Variants in TCF7L2 observed in about 807,000 individuals in gnomAD.
TCF7L2 encodes the protein transcription factor 7 like 2.
Under a neutral mutation model 77.9 loss-of-function variants are expected in TCF7L2, and 23 were observed. The ratio of observed to expected loss-of-function variants is 0.30; its 90% confidence interval spans 0.21 to 0.42. The LOEUF is 0.42. TCF7L2 is among the 10% of genes least tolerant of loss of function. TCF7L2 has a pLI of 1.00. For synonymous variants in TCF7L2, 413 were observed against 340.2 expected (o/e 1.21, Z -2.36); for missense variants, 654 against 793.1 (o/e 0.82, Z 2.11).
chr10:113,053,084 C>T (rs2054747603), intron 5 of TCF7L2, among the ~76,000 whole-genome samples: 1 of 152,156 alleles, frequency 6.6e-6, no homozygotes, highest in Admixed American at 6.5e-5. Context: ...CTCATGCCAA[C>T]GATCTCATGG....
intron 11 of TCF7L2, among the ~76,000 whole-genome samples, chr10:113,154,547 G>A (rs534556169): frequency 2.6e-5 from 4 of 152,192 alleles, no homozygotes; most frequent in African/African-American, 9.6e-5. Context: ...GGTGCCCCCT[G>A]GAGTTGTGCA....
intron 4 of TCF7L2, among the ~76,000 whole-genome samples, chr10:113,005,973 T>A (rs151125694): frequency 6.6e-6 from 1 of 151,680 alleles, no homozygotes; most frequent in East Asian, 2.0e-4. Flanking sequence ...TCCACAGAGG[T>A]AAGAAAAGAA....
At chr10:113,059,327 G>A (rs889655060) in intron 5 of TCF7L2, among the ~76,000 whole-genome samples, 4 of 151,938 alleles carry the variant, frequency 2.6e-5, no homozygotes, top group African/African-American at 7.3e-5. Context: ...TGGACCACTT[G>A]TTCAGGTCCT....
chr10:113,079,176 G>A (rs1236516352), intron 5 of TCF7L2, among the ~76,000 whole-genome samples: 1 of 152,136 alleles, frequency 6.6e-6, no homozygotes, highest in Non-Finnish European at 1.5e-5. Context: ...GCCAGCCTGG[G>A]GAGCCTTTTG....
intron 5 of TCF7L2, among the ~76,000 whole-genome samples, chr10:113,127,428 AGT>A (rs1413005355): frequency 1.3e-5 from 2 of 151,938 alleles, no homozygotes; most frequent in Non-Finnish European, 2.9e-5. Flanking sequence ...ACAAAACAAA[AGT>A]TTGCTGATGC....
intron 5 of TCF7L2, among the ~76,000 whole-genome samples, chr10:113,069,504 A>G (rs2135157773): frequency 6.6e-6 from 1 of 152,310 alleles, no homozygotes; most frequent in South Asian, 2.1e-4. Context: ...TGCTGGGATT[A>G]CAGGCGTGAG....
chr10:113,046,528 G>C (rs1294744822), intron 5 of TCF7L2, among the ~76,000 whole-genome samples: 1 of 152,096 alleles, frequency 6.6e-6, no homozygotes, highest in Non-Finnish European at 1.5e-5. Context: ...GTTAAATTCT[G>C]CTAATGCCTC....
intron 4 of TCF7L2, among the ~76,000 whole-genome samples, chr10:112,975,203 T>C (rs531352274): frequency 6.6e-6 from 1 of 152,286 alleles, no homozygotes; most frequent in East Asian, 1.9e-4. Flanking sequence ...AACATTCACA[T>C]CAAACATATG....
chr10:112,999,157 C>T (rs1450589712), intron 4 of TCF7L2, among the ~76,000 whole-genome samples: 1 of 152,242 alleles, frequency 6.6e-6, no homozygotes, highest in Non-Finnish European at 1.5e-5. Flanking sequence ...CAGTGCCTTT[C>T]CCCATTCTCA....
chr10:113,090,905 G>T (rs1243316635), intron 5 of TCF7L2, among the ~76,000 whole-genome samples: 1 of 152,080 alleles, frequency 6.6e-6, no homozygotes, highest in African/African-American at 2.4e-5. Context: ...ACCATGCCTG[G>T]TCTTTTTTAT....
At chr10:113,068,154 CACGTG>C (rs1389449286) in intron 5 of TCF7L2, among the ~76,000 whole-genome samples, 5 of 152,216 alleles carry the variant, frequency 3.3e-5, no homozygotes, top group African/African-American at 7.2e-5. Context: ...CCATTGATCA[CACGTG>C]AAAACACTCT....
chr10:113,133,363 C>T (rs2066901534), intron 5 of TCF7L2: 4 of 152,218 alleles, frequency 2.6e-5, no homozygotes. Context: ...TCTATTCCTC[C>T]ATCCCAACAC....
At chr10:112,986,854 C>G (rs2041638089) in intron 4 of TCF7L2, among the ~76,000 whole-genome samples, 2 of 152,104 alleles carry the variant, frequency 1.3e-5, no homozygotes, top group Admixed American at 1.3e-4. Context: ...GTTTCTAGTT[C>G]AGTATAATTT....
intron 4 of TCF7L2, among the ~76,000 whole-genome samples, chr10:113,003,673 C>G (rs947494891): frequency 6.6e-6 from 1 of 152,234 alleles, no homozygotes; most frequent in African/African-American, 2.4e-5. Flanking sequence ...TTCTCCAGCC[C>G]TCTGAGGACC....
intron 5 of TCF7L2, among the ~76,000 whole-genome samples, chr10:113,077,997 A>G (rs2058905679): frequency 6.6e-6 from 1 of 151,682 alleles, no homozygotes; most frequent in African/African-American, 2.4e-5. Context: ...TGGCCTCCCA[A>G]AGTGCTGGGA....
intron 5 of TCF7L2, among the ~76,000 whole-genome samples, chr10:113,097,654 A>AACAAAACAAAAAAAAAAAAC (rs2061166464): frequency 7.7e-6 from 1 of 129,152 alleles, no homozygotes; most frequent in African/African-American, 3.0e-5. Flanking sequence ...CGGAAAAAAA[A>AACAAAACAAAAAAAAAAAAC]AAAAAAAAAA....
chr10:113,033,737 A>G (rs1176902371), intron 4 of TCF7L2, among the ~76,000 whole-genome samples: 1 of 152,056 alleles, frequency 6.6e-6, no homozygotes, highest in Non-Finnish European at 1.5e-5. Flanking sequence ...GGCTTTCTGG[A>G]TTTTTTCAAA....
At position 112,950,631 on chromosome 10, in the gene TCF7L2, C is replaced by A; in HGVS notation, c.-126C>A. 2.2e-6 allele frequency: 2 copies of A among 909,996 alleles called. No individual in the cohort carries two copies. Among genetic ancestry groups the A allele is most frequent in the South Asian group, 1.8e-5 (1 of 56,736 alleles). 56.4% of individuals were successfully genotyped at this position (909,996 alleles called of 1,614,324 possible). A position where few individuals can be genotyped will look rare whatever the true frequency, so the allele number is the denominator to read the frequency against. The stretch of plus-strand genomic sequence containing the variant: ...AAAGACCCCCAAGCAGAAAAAAGTT[C>A]ACCTTGGACTCGTCTTTTTCTTGCA... On this transcript the variant is annotated 5_prime_UTR_variant, in exon 1 of 14. Transcript: ENST00000627217.
At chr10:113,050,134 C>T (rs2054163209) in intron 5 of TCF7L2, among the ~76,000 whole-genome samples, 1 of 152,128 alleles carries the variant, frequency 6.6e-6, no homozygotes, top group Admixed American at 6.5e-5. Context: ...GGATCCTGGA[C>T]CGTGATTAAG....
Sources: allele counts gnomAD v4.1 joint callset (sites outside exome capture counted in the v4.1 genomes callset), GRCh38; gene constraint gnomAD v4.1.1; transcripts MANE v1.5; gene names NCBI Gene and HGNC (gene_info 2026-07-23, HGNC 2026-07-21).